Variants in NR1H4 observed in about 807,000 individuals in gnomAD.
NR1H4 encodes the protein bile acid receptor.
Under a neutral mutation model 58.5 loss-of-function variants are expected in NR1H4, and 23 were observed. That is an observed-to-expected ratio of 0.39 (90% CI 0.28 to 0.56). The LOEUF is 0.56. Among genes scored for constraint, NR1H4 ranks in the 20% least tolerant of loss-of-function variants. NR1H4 has a pLI of 0.58. For missense variants in NR1H4, 487 were observed against 576.9 expected, an observed-to-expected ratio of 0.84 and a Z score of 1.60; for synonymous variants, 214 against 198.0, an observed-to-expected ratio of 1.08 and a Z score of -0.68.
intron 3 of NR1H4, among the ~76,000 whole-genome samples, 171 bp from the exon 4 acceptor site, chr12:100,510,607 T>TTATTTA (rs1555332995): frequency 7.5e-6 from 1 of 133,694 alleles, no homozygotes; most frequent in African/African-American, 2.8e-5. Context: ...TCATTTAATT[T>TTATTTA]TATATATATA....
chr12:100,510,804 C>G lies in NR1H4; in HGVS notation c.106C>G (p.Pro36Ala). ...TGTTTTAACAGAACAAGTGGCAGGT[C>G]CTCTGGGACAGAACCTGGAAGTGGA... ...FGVLTEQVAG[P>A]LGQNLEVEPY... Residue 36 changes from proline (P) to alanine (A), a missense_variant, in exon 4 of 11, where the codon CCT becomes GCT. Coordinates refer to ENST00000392986, the MANE Select transcript of NR1H4 (RefSeq NM_001206979.2). The G allele has an allele frequency of 6.2e-7, 1 of 1,613,928 alleles. No homozygotes were observed. The highest frequency in any genetic ancestry group is 8.5e-7 in the Non-Finnish European group (1 of 1,179,950).
chr12:100,516,450 T>C (rs1954267795), intron 4 of NR1H4, among the ~76,000 whole-genome samples: 1 of 151,868 alleles, frequency 6.6e-6, no homozygotes, highest in African/African-American at 2.4e-5. Flanking sequence ...GCTCACAAAC[T>C]CCGCCTCCCG....
intron 4 of NR1H4, among the ~76,000 whole-genome samples, chr12:100,524,445 G>A (rs1017504215): frequency 1.3e-5 from 2 of 152,022 alleles, no homozygotes; most frequent in Non-Finnish European, 2.9e-5. Flanking sequence ...AGCTTCTGGG[G>A]GTTTGCCTAC....
At chr12:100,487,476 C>CCTAT (rs1384252556) in intron 1 of NR1H4, among the ~76,000 whole-genome samples, 1 of 151,990 alleles carries the variant, frequency 6.6e-6, no homozygotes, top group African/African-American at 2.4e-5. Context: ...CTGCATCCAC[C>CCTAT]CTATCCCTCT....
rs148971007 is a variant in NR1H4, at chr12:100,543,459, T to C, written c.1078+2641T>C. Among the ~76,000 whole-genome samples, 173 of 152,034 alleles carry C rather than the reference T, an allele frequency of 1.1e-3. 2 individuals carry two copies. Among genetic ancestry groups the C allele is most frequent in the Admixed American group, 2.2e-3 (34 of 15,244 alleles). On this transcript the variant is annotated intron_variant, in intron 9 of 10. Transcript: ENST00000392986. The stretch of plus-strand genomic sequence containing the variant: ...ATGTCACGCTTGCTGCCAGGAGAAA[T>C]GGAGAGAAGAGAAAGGATCTGGGAG...
intron 4 of NR1H4, among the ~76,000 whole-genome samples, chr12:100,516,323 A>G (rs1460440798): frequency 6.6e-6 from 1 of 152,184 alleles, no homozygotes; most frequent in Non-Finnish European, 1.5e-5. Flanking sequence ...GAAAAATTCC[A>G]ATATACATAC....
intron 1 of NR1H4, among the ~76,000 whole-genome samples, chr12:100,489,899 G>C (rs747787608): frequency 2.6e-5 from 4 of 152,200 alleles, no homozygotes; most frequent in Non-Finnish European, 5.9e-5. Context: ...AGTGGACCCT[G>C]CTAACTATCT....
At chr12:100,525,920 A>C (rs1954544107) in intron 4 of NR1H4, among the ~76,000 whole-genome samples, 1 of 152,050 alleles carries the variant, frequency 6.6e-6, no homozygotes, top group Non-Finnish European at 1.5e-5. Context: ...GGAGTTGTTC[A>C]TATTTCTTTA....
At chr12:100,559,167 ATGTG>A (rs201717842) in intron 9 of NR1H4, among the ~76,000 whole-genome samples, 1 of 1,294 alleles carries the variant, frequency 7.7e-4, no homozygotes, top group African/African-American at 2.3e-3. Context: ...AAAGTATGTG[ATGTG>A]ATCTGATTTT....
chr12:100,535,015 T>C lies in NR1H4; in HGVS notation c.724T>C (p.Ser242Pro). The change falls in exon 6 of 11, where the codon TCA (serine) becomes CCA (proline). Residue 242 changes from serine (S) to proline (P), a missense_variant. Physicochemically the swap from Ser to Pro is moderately conservative, Grantham distance 74 (BLOSUM62 -1). Coordinates refer to ENST00000392986, the MANE Select transcript of NR1H4 (RefSeq NM_001206979.2). ...GCGACAAGTGACCTCGACAACAAAGTCATGCAGGGTAATAATATGCAATGG... is the reference window on the plus strand; with the variant it reads ...GCGACAAGTGACCTCGACAACAAAGCCATGCAGGGTAATAATATGCAATGG... ...DLRQVTSTTKSCREKTELTPD... is the reference protein window; with the variant it reads ...DLRQVTSTTKPCREKTELTPD... 6.8e-6 allele frequency: 11 copies of C among 1,614,198 alleles called. No homozygotes were observed. The highest frequency in any genetic ancestry group is 9.3e-6 in the Non-Finnish European group (11 of 1,180,032).
At chr12:100,510,720 CCTCT>C in intron 3 of NR1H4, 54 bp from the exon 4 acceptor site, 1 of 1,603,148 alleles carries the variant, frequency 6.2e-7, no homozygotes, top group South Asian at 1.1e-5. Context: ...CGCCAAACTG[CCTCT>C]CTAATTTCCA....
chr12:100,545,671 C>CAAAAAAAAAAAAAAAAA (rs1491301660), intron 9 of NR1H4, among the ~76,000 whole-genome samples: 2 of 53,308 alleles, frequency 3.8e-5, no homozygotes, highest in African/African-American at 1.8e-4. Context: ...AAAAAAAAAC[C>CAAAAAAAAAAAAAAAAA]AAACGGGGGG....
chr12:100,537,566 G>A (rs1954841690), intron 8 of NR1H4, among the ~76,000 whole-genome samples: 1 of 152,224 alleles, frequency 6.6e-6, no homozygotes, highest in Admixed American at 6.5e-5. Flanking sequence ...TTTGAACACA[G>A]AGGAACTGGT....
chr12:100,527,530 TA>T (rs1204585060), intron 4 of NR1H4, among the ~76,000 whole-genome samples: 2 of 152,106 alleles, frequency 1.3e-5, no homozygotes, highest in Admixed American at 6.5e-5. Context: ...AGACCTTGTC[TA>T]AAAAAATAGG....
At chr12:100,544,067 A>G (rs998085019) in intron 9 of NR1H4, among the ~76,000 whole-genome samples, 12 of 152,026 alleles carry the variant, frequency 7.9e-5, no homozygotes, top group African/African-American at 1.9e-4. Flanking sequence ...CCTGGCTAAC[A>G]TGGTGAAACC....
chr12:100,539,754 G>A (rs1954894410), intron 8 of NR1H4, among the ~76,000 whole-genome samples: 1 of 152,214 alleles, frequency 6.6e-6, no homozygotes, highest in South Asian at 2.1e-4. Context: ...AGAGGTGGCA[G>A]ACAATTAACA....
intron 1 of NR1H4, among the ~76,000 whole-genome samples, chr12:100,481,083 G>A (rs149957279): frequency 6.6e-6 from 1 of 152,136 alleles, no homozygotes. Flanking sequence ...CATTCTGTTG[G>A]TCAACGAATT....
intron 9 of NR1H4, among the ~76,000 whole-genome samples, chr12:100,552,073 G>T (rs1955215994): frequency 6.6e-6 from 1 of 152,086 alleles, no homozygotes; most frequent in African/African-American, 2.4e-5. Context: ...AACTGTATCT[G>T]CTTCTTCCAT....
intron 1 of NR1H4, among the ~76,000 whole-genome samples, chr12:100,490,454 A>G (rs1223601400): frequency 2.0e-5 from 3 of 152,182 alleles, no homozygotes; most frequent in Admixed American, 6.5e-5. Context: ...CTTAAGTTAC[A>G]GAGTATAAGC....
Sources: allele counts gnomAD v4.1 joint callset (sites outside exome capture counted in the v4.1 genomes callset), GRCh38; gene constraint gnomAD v4.1.1; transcripts MANE v1.5; gene names NCBI Gene and HGNC (gene_info 2026-07-23, HGNC 2026-07-21).